Variants in CD84 observed in about 807,000 individuals in gnomAD.
The protein encoded by CD84 is CD84 molecule.
Under a neutral mutation model 33.8 loss-of-function variants are expected in CD84, and 22 were observed. That is an observed-to-expected ratio of 0.65 (90% confidence interval 0.46 to 0.93). The LOEUF is 0.93. Among genes scored for constraint, CD84 ranks in the 40% least tolerant of loss-of-function variants. CD84 has a pLI of 0.00. For synonymous variants in CD84, 154 were observed against 145.2 expected, an observed-to-expected ratio of 1.06 and a Z score of -0.44; for missense variants, 400 against 397.6, an observed-to-expected ratio of 1.01 and a Z score of -0.05.
At chr1:160,572,015 T>G (rs1657725022) in intron 1 of CD84, among the ~76,000 whole-genome samples, 1 of 151,954 alleles carries the variant, frequency 6.6e-6, no homozygotes, top group South Asian at 2.1e-4. Flanking sequence ...AAGGAAAGGA[T>G]AAGTGAAAGA....
chr1:160,548,106 A>C lies in CD84; in HGVS notation c.*150T>G. On this transcript the variant is annotated 3_prime_UTR_variant, in exon 7 of 7. Coordinates refer to ENST00000368054, the MANE Select transcript of CD84 (RefSeq NM_003874.4). ...GTCCATTTAGGCACAAGCTATGCCC[A>C]GCAGAAGGTTTCCTGCTTTGCTTAC... 1.3e-6 allele frequency: 1 copy of C among 753,862 alleles called. No homozygotes were observed. The highest frequency in any genetic ancestry group is 2.2e-5 in the Admixed American group (1 of 45,868). The allele number at this position is 753,862 out of a possible 1,614,324, so 46.7% of individuals were successfully genotyped here. A position where few individuals can be genotyped will look rare whatever the true frequency, so the allele number is the denominator to read the frequency against.
intron 5 of CD84, 39 bp from the exon 6 acceptor site, chr1:160,550,018 G>A: frequency 7.8e-7 from 1 of 1,287,834 alleles, no homozygotes; most frequent in Non-Finnish European, 1.1e-6. Flanking sequence ...AGGGAGCCCA[G>A]GCCCATCTAC....
intron 2 of CD84, 137 bp downstream of exon 2, chr1:160,565,267 T>A (rs897030247): frequency 1.6e-6 from 1 of 621,560 alleles, no homozygotes; most frequent in African/African-American, 1.9e-5. Flanking sequence ...CTTATAAGTA[T>A]TGATGTATCA....
At chr1:160,570,631 C>A (rs551002638) in intron 1 of CD84, among the ~76,000 whole-genome samples, 2 of 152,138 alleles carry the variant, frequency 1.3e-5, no homozygotes, top group Admixed American at 1.3e-4. Flanking sequence ...GAGGCCAAGG[C>A]AGGTGGATCG....
rs1655932025 is a variant in CD84, at chr1:160,547,982, T to A, written c.*274A>T. 2.2e-6 allele frequency: 1 copy of A among 461,906 alleles called. No homozygotes were observed. Among genetic ancestry groups the A allele is most frequent in the African/African-American group, 2.0e-5 (1 of 50,618 alleles). 28.6% of individuals were successfully genotyped at this position (461,906 alleles called of 1,614,324 possible). On this transcript the variant is annotated 3_prime_UTR_variant, in exon 7 of 7. Coordinates refer to ENST00000368054, the MANE Select transcript of CD84 (RefSeq NM_003874.4). ...TGCCATAAAAATATTATTTTCTACA[T>A]GTGCTATGATGGGAAGAAGTTTGGG...
intron 1 of CD84, among the ~76,000 whole-genome samples, chr1:160,567,748 A>G (rs1657419665): frequency 6.6e-6 from 1 of 152,136 alleles, no homozygotes; most frequent in African/African-American, 2.4e-5. Flanking sequence ...TGGTGGTAAG[A>G]GTCATAGTTT....
rs1249174586 is a variant in CD84 at position 160,542,151 on chromosome 1, GGATGAGCTACTGT to G, written c.*6092_*6104del. 4.6e-5 allele frequency: 7 copies of G among 152,216 alleles called. No homozygotes were observed. The highest frequency in any genetic ancestry group is 8.8e-5 in the Non-Finnish European group (6 of 68,034). The allele number at this position is 152,216 out of a possible 1,614,324, so 9.4% of individuals were successfully genotyped here. A position where few individuals can be genotyped will look rare whatever the true frequency, so the allele number is the denominator to read the frequency against. On this transcript the variant is annotated 3_prime_UTR_variant, in exon 7 of 7. Coordinates refer to ENST00000368054, the MANE Select transcript of CD84 (RefSeq NM_003874.4). ...TGAATCCTGGCTTTTCTATTTACTA[GGATGAGCTACTGT>G]GATTCAGCCTTAAAGACTTCACCTT... is the stretch of plus-strand genomic sequence containing the variant.
intron 2 of CD84, among the ~76,000 whole-genome samples, chr1:160,564,107 A>G (rs1017202042): frequency 5.3e-5 from 8 of 152,206 alleles, no homozygotes; most frequent in African/African-American, 1.9e-4. Context: ...GGTAGCTTGC[A>G]AAACAAAGCA....
At chr1:160,571,637 A>T (rs1191279061) in intron 1 of CD84, among the ~76,000 whole-genome samples, 1 of 151,612 alleles carries the variant, frequency 6.6e-6, no homozygotes, top group African/African-American at 2.4e-5. Context: ...AAACTAATTT[A>T]TTTTTGTTTT....
intron 2 of CD84, among the ~76,000 whole-genome samples, chr1:160,563,574 A>G (rs1374458398): frequency 6.6e-6 from 1 of 151,968 alleles, no homozygotes; most frequent in Non-Finnish European, 1.5e-5. Flanking sequence ...AACAACACAC[A>G]CTGGGACCTG....
chr1:160,571,013 T>C (rs1479418511), intron 1 of CD84: 1 of 152,186 alleles, frequency 6.6e-6, no homozygotes, highest in African/African-American at 2.4e-5. Flanking sequence ...CTGAGGATGG[T>C]GGAGCAGGAA....
Position 160,553,420 on chromosome 1 carries a change from G to A in CD84, c.718C>T (p.Leu240=), listed in dbSNP as rs771515325. Residue 240 remains leucine, a synonymous_variant, in exon 4 of 7, where the codon CTG becomes TTG. Coordinates refer to ENST00000368054, the MANE Select transcript of CD84 (RefSeq NM_003874.4). ...LAMFFLLVLI[L]SSVFLFRLFK... ...AAACGGAACAAAAACACTGAAGACA[G>A]AATGAGAACAAGCAGAAAGAACATA... is the stretch of plus-strand genomic sequence containing the variant. 9 of 1,614,116 alleles carry A rather than the reference G, an allele frequency of 5.6e-6. No individual in the cohort carries two copies. The highest frequency in any genetic ancestry group is 2.2e-5 in the East Asian group (1 of 44,878).
intron 2 of CD84, among the ~76,000 whole-genome samples, chr1:160,554,668 C>T (rs1198414148): frequency 2.0e-5 from 3 of 152,296 alleles, no homozygotes; most frequent in East Asian, 3.9e-4. Flanking sequence ...AGAAGTCGCT[C>T]GTGTCATTGA....
intron 2 of CD84, among the ~76,000 whole-genome samples, chr1:160,557,867 C>T (rs1258267662): frequency 4.6e-5 from 7 of 152,282 alleles, no homozygotes; most frequent in Admixed American, 3.3e-4. Context: ...TCCCCTACAA[C>T]GCGGCACAGC....
At chr1:160,553,579 A>T (rs1656394338) in intron 3 of CD84, 82 bp from the exon 4 acceptor site, 1 of 1,513,994 alleles carries the variant, frequency 6.6e-7, no homozygotes, top group South Asian at 1.1e-5. Context: ...AGTCAGGGGC[A>T]TTATGAAAAT....
At chr1:160,549,542 C>A (rs543512665) in intron 6 of CD84, among the ~76,000 whole-genome samples, 11 of 152,336 alleles carry the variant, frequency 7.2e-5, no homozygotes, top group African/African-American at 2.4e-4. Flanking sequence ...TTGCACCCAT[C>A]TGGGCATCTG....
At chr1:160,563,274 C>T (rs1657108466) in intron 2 of CD84, among the ~76,000 whole-genome samples, 1 of 152,130 alleles carries the variant, frequency 6.6e-6, no homozygotes, top group South Asian at 2.1e-4. Flanking sequence ...ATAAATCATT[C>T]TATTATAAAG....
chr1:160,567,645 T>C (rs1324986020), intron 1 of CD84, among the ~76,000 whole-genome samples: 2 of 152,042 alleles, frequency 1.3e-5, no homozygotes, highest in East Asian at 3.9e-4. Context: ...TGGTCACAAG[T>C]GAAAGACAAT....
At chr1:160,548,708 G>C (rs1211619117) in intron 6 of CD84, among the ~76,000 whole-genome samples, 2 of 152,126 alleles carry the variant, frequency 1.3e-5, no homozygotes, top group African/African-American at 4.8e-5. Flanking sequence ...CCTATACATA[G>C]TGGGGACTCA....
Sources: gnomAD v4.1 joint callset for allele counts (sites outside exome capture counted in the v4.1 genomes callset) on GRCh38, gnomAD v4.1.1 for gene constraint, MANE v1.5 for transcripts, NCBI Gene and HGNC (gene_info 2026-07-23, HGNC 2026-07-21) for gene names.